The following CAPN13 variants were observed in gnomAD, a reference collection of about 807,000 sequenced individuals.
CAPN13 encodes calpain-13.
In CAPN13, 90 loss-of-function variants were observed where a neutral mutation model predicts 98.4. The ratio of observed to expected loss-of-function variants is 0.92; its 90% CI spans 0.77 to 1.09. CAPN13 has a LOEUF of 1.09. Among genes scored for constraint, CAPN13 ranks in the 50% least tolerant of loss-of-function variants. CAPN13 has a pLI of 0.00. For synonymous variants in CAPN13, 330 were observed against 305.5 expected, an observed-to-expected ratio of 1.08 and a Z score of -0.84; for missense variants, 887 against 841.3, an observed-to-expected ratio of 1.05 and a Z score of -0.67.
intron 4 of CAPN13, 86 bp downstream of exon 4, chr2:30,775,844 C>T (rs772292816): frequency 2.1e-4 from 177 of 860,624 alleles, no homozygotes; most frequent in Non-Finnish European, 2.8e-4. Context: ...TCAGGCTTCC[C>T]GGCCACGAGA....
At position 30,734,536 on chromosome 2, in the gene CAPN13, A is replaced by T. The variant is rs749081857; in HGVS notation, c.1723-12T>A. Reference sequence around the variant, plus strand: ...TTCTGGAAAACATGCTAATAGGGGAAGAGAAGCAAGAAGTCTGTGTGAAGA... The same window carrying T: ...TTCTGGAAAACATGCTAATAGGGGATGAGAAGCAAGAAGTCTGTGTGAAGA... On this transcript the variant is annotated splice_polypyrimidine_tract_variant and intron_variant, in intron 18 of 22. Coordinates refer to ENST00000295055, the MANE Select transcript of CAPN13 (RefSeq NM_144575.3). 1 of 1,607,844 alleles carries T rather than the reference A, an allele frequency of 6.2e-7. No individual in the cohort carries two copies.
At chr2:30,742,010 G>A (rs1297273243) in intron 14 of CAPN13, 46 bp from the exon 15 acceptor site, 2 of 1,564,800 alleles carry the variant, frequency 1.3e-6, no homozygotes, top group Non-Finnish European at 1.8e-6. Context: ...TGGGGAAGGA[G>A]GCCACCCATC....
chr2:30,792,714 CT>C (rs1316812859), intron 1 of CAPN13, among the ~76,000 whole-genome samples: 2 of 151,712 alleles, frequency 1.3e-5, no homozygotes, highest in Non-Finnish European at 2.9e-5. Flanking sequence ...TTTTTATCAG[CT>C]CAGCAAAATA....
At chr2:30,765,618 A>G (rs1041808657) in intron 5 of CAPN13, among the ~76,000 whole-genome samples, 7 of 152,200 alleles carry the variant, frequency 4.6e-5, no homozygotes, top group African/African-American at 1.7e-4. Context: ...GGACTGGATC[A>G]GTCCTCAACA....
chr2:30,745,935 C>G (rs1372424072), intron 11 of CAPN13, among the ~76,000 whole-genome samples: 1 of 130,086 alleles, frequency 7.7e-6, no homozygotes, highest in Admixed American at 9.0e-5. Flanking sequence ...GAGTCTCGCT[C>G]TGTCACCCAG....
At position 30,773,272 on chromosome 2, in the gene CAPN13, G is replaced by A. The variant is rs539125002; in HGVS notation, c.387+2658C>T. 3.3e-5 allele frequency among the ~76,000 whole-genome samples: 5 copies of A among 152,328 alleles called. No individual in the cohort carries two copies. In the East Asian group the frequency reaches 5.8e-4, roughly 18 times the overall value. On this transcript the variant is annotated intron_variant, in intron 4 of 22. Transcript: ENST00000295055. ...TTACAGACTTTTCAGGAAAGGAAAC[G>A]TGATCCAAGAATCCTAAACCTAACT...
chr2:30,788,181 C>T (rs982961915), intron 1 of CAPN13, among the ~76,000 whole-genome samples: 3 of 152,238 alleles, frequency 2.0e-5, no homozygotes, highest in Non-Finnish European at 4.4e-5. Context: ...CTACATACTG[C>T]TTCTGCAATT....
intron 2 of CAPN13, among the ~76,000 whole-genome samples, chr2:30,782,561 T>G (rs1479778767): frequency 6.6e-6 from 1 of 152,170 alleles, no homozygotes; most frequent in Non-Finnish European, 1.5e-5. Flanking sequence ...GGTCGCAAGG[T>G]GAGTCGTTTC....
At chr2:30,789,105 T>C (rs1371832184) in intron 1 of CAPN13, among the ~76,000 whole-genome samples, 1 of 152,052 alleles carries the variant, frequency 6.6e-6, no homozygotes, top group Admixed American at 6.5e-5. Context: ...GTCTCACCAC[T>C]CAAAATAGGG....
At position 30,726,863 on chromosome 2, in the gene CAPN13, A is replaced by G. The variant is rs554403874; in HGVS notation, c.*31-3627T>C. 3.1e-3 allele frequency among the ~76,000 whole-genome samples: 474 copies of G among 152,306 alleles called. 3 individuals are homozygous for G. Among genetic ancestry groups the G allele is most frequent in the African/African-American group, 0.01 (427 of 41,584 alleles). On this transcript the variant is annotated intron_variant, in intron 22 of 22. Coordinates refer to ENST00000295055, the MANE Select transcript of CAPN13 (RefSeq NM_144575.3). ...TAAATTGATTCTAAAATTTATATGTAAATGCAAGGAACCCAGAAGAGCCAA... is the reference window on the plus strand; with the variant it reads ...TAAATTGATTCTAAAATTTATATGTGAATGCAAGGAACCCAGAAGAGCCAA...
At chr2:30,758,229 C>T in intron 7 of CAPN13, 92 bp from the exon 8 acceptor site, 1 of 897,874 alleles carries the variant, frequency 1.1e-6, no homozygotes, top group Non-Finnish European at 1.6e-6. Flanking sequence ...CTCCAAGGAC[C>T]AATTTAACTT....
intron 1 of CAPN13, among the ~76,000 whole-genome samples, chr2:30,801,340 G>T (rs1675259240): frequency 6.6e-6 from 1 of 152,018 alleles, no homozygotes; most frequent in East Asian, 1.9e-4. Context: ...TGAGTACTGG[G>T]CACGGTGGCT....
At position 30,732,539 on chromosome 2, in the gene CAPN13, C is replaced by T. The variant is rs779096381; in HGVS notation, c.1826G>A (p.Arg609His). ...GAGGGTCACCAGATGCAGCAGCTCACGGCTGATGAAGATCCCTCTGAGGAA... is the reference window on the plus strand; with the variant it reads ...GAGGGTCACCAGATGCAGCAGCTCATGGCTGATGAAGATCCCTCTGAGGAA... ...TDFLRGIFIS[R>H]ELLHLVTLRY... The change falls in exon 20 of 23, where the codon CGT (arginine) becomes CAT (histidine). Residue 609 changes from arginine (R) to histidine (H), a missense_variant. Physicochemically the swap from Arg to His is conservative, Grantham distance 29. Transcript: ENST00000295055. 1.7e-4 allele frequency: 268 copies of T among 1,609,736 alleles called. 1 individual carries two copies. The highest frequency in any genetic ancestry group is 2.1e-4 in the Non-Finnish European group (243 of 1,178,380).
chr2:30,786,755 C>T (rs992072107), intron 2 of CAPN13, among the ~76,000 whole-genome samples: 11 of 152,158 alleles, frequency 7.2e-5, no homozygotes, highest in Non-Finnish European at 1.6e-4. Flanking sequence ...TATAAAGATA[C>T]TGACACCTGA....
rs765506409 is a variant in CAPN13, at chr2:30,738,243, G to A, written c.1645C>T (p.Leu549=). The change falls in exon 17 of 23, where the codon CTG becomes TTG. Residue 549 remains leucine, a synonymous_variant. Coordinates refer to ENST00000295055, the MANE Select transcript of CAPN13 (RefSeq NM_144575.3). ...SLDECRSLVA[L]MELKVNGRLD... is the part of the protein sequence containing the mutation. Reference sequence around the variant, plus strand: ...ATGACCGCAAAGGATACTTCCATCAGAGCCACCAAGCTGCGGCACTCATCT... The same window carrying A: ...ATGACCGCAAAGGATACTTCCATCAAAGCCACCAAGCTGCGGCACTCATCT... The A allele has an allele frequency of 4.3e-6, 7 of 1,613,842 alleles. No individual in the cohort carries two copies. Among genetic ancestry groups the A allele is most frequent in the African/African-American group, 1.3e-5 (1 of 74,918 alleles).
At chr2:30,770,960 C>A (rs1479913805) in intron 4 of CAPN13, among the ~76,000 whole-genome samples, 1 of 152,118 alleles carries the variant, frequency 6.6e-6, no homozygotes, top group Non-Finnish European at 1.5e-5. Flanking sequence ...ACACTGTGGG[C>A]AAAGGCCTGG....
rs759372188 is a variant in CAPN13, at chr2:30,796,192, ATG to A, written c.-32-8837_-32-8836del. Among the ~76,000 whole-genome samples the A allele has an allele frequency of 5.2e-3, 726 of 139,004 alleles. 7 individuals are homozygous for A. The highest frequency in any genetic ancestry group is 0.017 in the African/African-American group (574 of 33,228). The allele number at this position is 139,004 out of a possible 152,430, so 91.2% of individuals were successfully genotyped here. A position where few individuals can be genotyped will look rare whatever the true frequency, so the allele number is the denominator to read the frequency against. ...TGTGTGTATATATATATACATATAT[ATG>A]TGTGTGTATATATATATACACATAT... On this transcript the variant is annotated intron_variant, in intron 1 of 22. Transcript: ENST00000295055.
At chr2:30,790,013 G>A (rs1001714397) in intron 1 of CAPN13, among the ~76,000 whole-genome samples, 3 of 152,220 alleles carry the variant, frequency 2.0e-5, no homozygotes, top group African/African-American at 7.2e-5. Flanking sequence ...TGCTGCGGAG[G>A]TGGGCTGTTC....
intron 7 of CAPN13, among the ~76,000 whole-genome samples, chr2:30,759,020 ATT>A (rs1672650590): frequency 1.7e-5 from 1 of 59,106 alleles, no homozygotes; most frequent in Non-Finnish European, 3.1e-5. Context: ...CCCTGCTCCT[ATT>A]CTTCCTTCCC....
Sources: allele counts gnomAD v4.1 joint callset (sites outside exome capture counted in the v4.1 genomes callset), GRCh38; gene constraint gnomAD v4.1.1; transcripts MANE v1.5; gene names NCBI Gene and HGNC (gene_info 2026-07-23, HGNC 2026-07-21).